The following CDK19 variants were observed in gnomAD, a reference collection of about 807,000 sequenced individuals.
The protein encoded by CDK19 is cyclin-dependent kinase 19.
Under a neutral mutation model 68.3 loss-of-function variants are expected in CDK19, and 20 were observed. That is an observed-to-expected ratio of 0.29 (90% CI 0.21 to 0.43). The LOEUF is 0.43. Among genes scored for constraint, CDK19 ranks in the 20% least tolerant of loss-of-function variants. CDK19 has a pLI of 1.00. For synonymous variants in CDK19, 221 were observed against 222.8 expected (o/e 0.99, Z 0.07); for missense variants, 339 against 623.5 (o/e 0.54, Z 4.86).
At chr6:110,791,597 C>T (rs1781598805) in intron 1 of CDK19, among the ~76,000 whole-genome samples, 1 of 152,098 alleles carries the variant, frequency 6.6e-6, no homozygotes, top group Admixed American at 6.6e-5. Context: ...AAACATACCA[C>T]ACCATTCATA....
chr6:110,732,697 CA>C (rs1372049690), intron 2 of CDK19, among the ~76,000 whole-genome samples: 1 of 152,128 alleles, frequency 6.6e-6, no homozygotes, highest in East Asian at 1.9e-4. Context: ...TTACATACAG[CA>C]AAATGCACAA....
In CDK19 at chr6:110,623,212, AGAG is replaced by A. The variant is rs1778824088; in HGVS notation, c.933+75_933+77del. 39 of 1,187,638 alleles carry A rather than the reference AGAG, an allele frequency of 3.3e-5. 1 individual carries two copies. In the South Asian group the frequency reaches 4.9e-4, roughly 15 times the overall value. 73.6% of individuals were successfully genotyped at this position (1,187,638 alleles called of 1,614,324 possible). A position where few individuals can be genotyped will look rare whatever the true frequency, so the allele number is the denominator to read the frequency against. ...ATCCACTAATTTCTTTTGTTTCTAA[AGAG>A]GAGGAATAGCTGAGTAAATAGAAGG... On this transcript the variant is annotated intron_variant, in intron 9 of 12. Transcript: ENST00000368911.
At chr6:110,648,963 C>T (rs1477392261) in intron 4 of CDK19, among the ~76,000 whole-genome samples, 4 of 152,084 alleles carry the variant, frequency 2.6e-5, no homozygotes, top group Non-Finnish European at 5.9e-5. Flanking sequence ...GTGATCCGCT[C>T]GGCCTCCCAA....
intron 1 of CDK19, among the ~76,000 whole-genome samples, chr6:110,807,454 G>T (rs964504434): frequency 1.3e-5 from 2 of 152,138 alleles, no homozygotes; most frequent in Non-Finnish European, 2.9e-5. Context: ...TACACTGGTG[G>T]TTTTTTGTTA....
At chr6:110,673,713 T>C (rs1323225357) in intron 2 of CDK19, among the ~76,000 whole-genome samples, 3 of 152,204 alleles carry the variant, frequency 2.0e-5, no homozygotes, top group Middle Eastern at 3.4e-3. Context: ...AGTGATTTGG[T>C]ATAAAAGAAA....
intron 1 of CDK19, among the ~76,000 whole-genome samples, chr6:110,752,812 C>T (rs538018406): frequency 6.6e-6 from 1 of 152,288 alleles, no homozygotes; most frequent in African/African-American, 2.4e-5. Context: ...AAGCAATCCT[C>T]CTTCCTGGCC....
chr6:110,705,042 GTTTT>G (rs71664467), intron 2 of CDK19, among the ~76,000 whole-genome samples: 1 of 140,850 alleles, frequency 7.1e-6, no homozygotes. Context: ...AAGAAATGTA[GTTTT>G]TTTTTTTTTT....
chr6:110,617,662 T>TACACACACAC (rs561387463), intron 12 of CDK19, among the ~76,000 whole-genome samples: 46 of 107,144 alleles, frequency 4.3e-4, no homozygotes, highest in African/African-American at 6.6e-4. Context: ...TATATATATA[T>TACACACACAC]ACACACACAC....
intron 6 of CDK19, among the ~76,000 whole-genome samples, chr6:110,630,217 T>A (rs1209038798): frequency 2.0e-5 from 3 of 152,234 alleles, no homozygotes; most frequent in African/African-American, 7.2e-5. Context: ...ACTGAATGTG[T>A]CTTTTCCTAA....
chr6:110,746,760 T>C (rs924478259), intron 1 of CDK19, among the ~76,000 whole-genome samples: 9 of 152,140 alleles, frequency 5.9e-5, no homozygotes, highest in African/African-American at 2.2e-4. Flanking sequence ...CACCAACATG[T>C]CATTCTCAGG....
At chr6:110,673,667 C>A (rs1163303488) in intron 2 of CDK19, among the ~76,000 whole-genome samples, 2 of 151,856 alleles carry the variant, frequency 1.3e-5, no homozygotes, top group Non-Finnish European at 2.9e-5. Flanking sequence ...AATATTAGGA[C>A]AATATCAATA....
chr6:110,679,537 G>A (rs1206163502), intron 2 of CDK19, among the ~76,000 whole-genome samples: 2 of 152,060 alleles, frequency 1.3e-5, no homozygotes, highest in African/African-American at 4.8e-5. Flanking sequence ...CCTTGAACCT[G>A]GGAGGCGGAG....
Position 110,755,257 on chromosome 6 carries a change from T to C in CDK19, c.129-9056A>G, listed in dbSNP as rs527624685. 2.0e-5 allele frequency among the ~76,000 whole-genome samples: 3 copies of C among 152,120 alleles called. No homozygotes were observed. In the East Asian group the frequency reaches 5.8e-4, roughly 29 times the overall value. On this transcript the variant is annotated intron_variant, in intron 1 of 12. Transcript: ENST00000368911. ...GGTTTCGCTATGTTGGCCAGGCTGG[T>C]CTCGAACTCCTGACCTCAGGTGACC...
chr6:110,679,232 C>T (rs1771796419), intron 2 of CDK19, among the ~76,000 whole-genome samples: 1 of 151,954 alleles, frequency 6.6e-6, no homozygotes, highest in Admixed American at 6.6e-5. Context: ...ACGAGGACTG[C>T]TTGAGCCCAC....
rs751512126 is a variant in CDK19 at position 110,614,622 on chromosome 6, G to A, written c.1422C>T (p.Ser474=). ...AGCCAAGTGTGCTCTGGGACTGAGA[G>A]GATCCCTGAACGCTGCTTTGGTAAT... ...RLNYQSSVQG[S]SQSQSTLGYS... Residue 474 remains serine (S), a synonymous_variant, in exon 13 of 13, where the codon TCC becomes TCT. Coordinates refer to ENST00000368911, the MANE Select transcript of CDK19 (RefSeq NM_015076.5). 18 of 1,613,964 alleles carry A rather than the reference G, an allele frequency of 1.1e-5. No homozygotes were observed. Among genetic ancestry groups the A allele is most frequent in the Middle Eastern group, 1.6e-4 (1 of 6,062 alleles).
chr6:110,776,601 G>T, intron 1 of CDK19, among the ~76,000 whole-genome samples: 1 of 152,164 alleles, frequency 6.6e-6, no homozygotes, highest in Non-Finnish European at 1.5e-5. Flanking sequence ...CCCAAGAGAT[G>T]ATTATATCAA....
chr6:110,670,433 A>T lies in CDK19; in HGVS notation c.313T>A (p.Trp105Arg). 6.4e-7 allele frequency: 1 copy of T among 1,558,244 alleles called. No homozygotes were observed. The highest frequency in any genetic ancestry group is 8.9e-7 in the Non-Finnish European group (1 of 1,128,986). The change falls in exon 3 of 13, where the codon TGG becomes AGG. Residue 105 changes from tryptophan (W) to arginine (R), a missense_variant and splice_region_variant. Trp to Arg is a moderately radical substitution (Grantham distance 101, BLOSUM62 -3). Coordinates refer to ENST00000368911, the MANE Select transcript of CDK19 (RefSeq NM_015076.5). ...LLFDYAEHDLWHIIKFHRASK... is the reference protein window; with the variant it reads ...LLFDYAEHDLRHIIKFHRASK... ...AAATACAGTGAGATTATACTTACCC[A>T]CAAGTCATGCTCTGCATAATCAAAC...
intron 1 of CDK19, among the ~76,000 whole-genome samples, chr6:110,782,418 C>A (rs1299876): frequency 0.16 from 23,768 of 152,068 alleles, 2,065 homozygotes; most frequent in East Asian, 0.32. Flanking sequence ...TTTCTACCCC[C>A]ACAGCTACCA....
intron 8 of CDK19, among the ~76,000 whole-genome samples, chr6:110,623,779 T>C (rs1002710008): frequency 2.2e-4 from 21 of 96,044 alleles, no homozygotes; most frequent in Admixed American, 2.0e-3. Context: ...TATATATACA[T>C]ATATACACAT....
Sources: allele counts gnomAD v4.1 joint callset (sites outside exome capture counted in the v4.1 genomes callset), GRCh38; gene constraint gnomAD v4.1.1; transcripts MANE v1.5; gene names NCBI Gene and HGNC (gene_info 2026-07-23, HGNC 2026-07-21).